The following SHANK2 variants were observed in gnomAD, a reference collection of about 807,000 sequenced individuals.
SHANK2 encodes the protein SH3 and multiple ankyrin repeat domains protein 2.
Under a neutral mutation model 133.7 loss-of-function variants are expected in SHANK2, and 43 were observed. That is an observed-to-expected ratio of 0.32 (90% CI 0.25 to 0.41). The LOEUF is 0.41. SHANK2 is among the 10% of genes least tolerant of loss of function. The probability of loss-of-function intolerance (pLI) is 1.00; values close to 1 mark genes in which losing one functional copy is unlikely to be tolerated. For missense variants in SHANK2, 1,994 were observed against 2,235.8 expected (o/e 0.89, Z 2.18); for synonymous variants, 1,017 against 952.8 (o/e 1.07, Z -1.24).
chr11:71,092,426 T>C lies in SHANK2; in HGVS notation c.908A>G (p.His303Arg). The change falls in exon 8 of 26, where the codon CAC becomes CGC. Residue 303 changes from histidine (H) to arginine (R), a missense_variant. Physicochemically the swap from His to Arg is conservative, Grantham distance 29. Around this residue, in one of 5 missense-constraint regions of SHANK2, gnomAD observed 653 missense variants for 563.4 expected, o/e 1.16. Coordinates refer to ENST00000601538, the MANE Select transcript of SHANK2 (RefSeq NM_012309.5). ...CKDENGWHEI[H>R]QACRYGHVQH... is the part of the protein sequence containing the mutation. ...TGGAGAAGCGGGCCCACGTACCTGGTGGATCTCGTGCCAGCCGTTCTCATC... is the reference window on the plus strand; with the variant it reads ...TGGAGAAGCGGGCCCACGTACCTGGCGGATCTCGTGCCAGCCGTTCTCATC... 6.4e-7 allele frequency: 1 copy of C among 1,551,296 alleles called. No homozygotes were observed. Among genetic ancestry groups the C allele is most frequent in the Non-Finnish European group, 8.7e-7 (1 of 1,146,866 alleles).
rs1262727291 is a variant in SHANK2, at chr11:70,599,893, G to GAA, written c.2061+59933_2061+59934dup. 4.1e-3 allele frequency among the ~76,000 whole-genome samples: 377 copies of GAA among 92,550 alleles called. 35 individuals are homozygous for GAA. In the East Asian group the frequency reaches 0.061, roughly 15 times the overall value. The allele number at this position is 92,550 out of a possible 152,430, so 60.7% of individuals were successfully genotyped here. On this transcript the variant is annotated intron_variant, in intron 17 of 25. Transcript: ENST00000601538. ...AAAGAAAGAAAGAAAGAAAGAAAAA[G>GAA]AAAGAAAGAAAGAGAAAGAAAGAAA... is the stretch of plus-strand genomic sequence containing the variant.
chr11:70,540,853 A>AAAC (rs1554975053), intron 17 of SHANK2, among the ~76,000 whole-genome samples: 16 of 151,566 alleles, frequency 1.1e-4, no homozygotes, highest in African/African-American at 3.6e-4. Context: ...AAAAAAAAAA[A>AAAC]AAAAAAAACT....
At chr11:71,201,428 T>A (rs1274902712) in intron 2 of SHANK2, among the ~76,000 whole-genome samples, 1 of 152,064 alleles carries the variant, frequency 6.6e-6, no homozygotes, top group Non-Finnish European at 1.5e-5. Context: ...CCACAAAGGG[T>A]GATCACCACG....
At chr11:71,139,437 G>C (rs539426910) in intron 3 of SHANK2, among the ~76,000 whole-genome samples, 1 of 152,166 alleles carries the variant, frequency 6.6e-6, no homozygotes, top group South Asian at 2.1e-4. Context: ...CAGCAACATG[G>C]CACATGTATA....
At chr11:70,501,983 A>T in intron 19 of SHANK2, 52 bp from the exon 20 acceptor site, 1 of 1,545,544 alleles carries the variant, frequency 6.5e-7, no homozygotes, top group Admixed American at 2.0e-5. Context: ...TAAACAGAAA[A>T]GAGGAAAGGC....
intron 17 of SHANK2, among the ~76,000 whole-genome samples, chr11:70,539,261 G>A (rs990902517): frequency 2.6e-5 from 4 of 152,174 alleles, no homozygotes; most frequent in South Asian, 4.1e-4. Flanking sequence ...TGCCACACGC[G>A]GGCCTGGCAT....
intron 6 of SHANK2, among the ~76,000 whole-genome samples, chr11:71,095,852 A>T (rs1353259751): frequency 1.3e-5 from 2 of 152,164 alleles, no homozygotes; most frequent in East Asian, 3.8e-4. Context: ...TGCTGTGTGT[A>T]GACATGCCAG....
intron 14 of SHANK2, among the ~76,000 whole-genome samples, chr11:70,744,553 T>C (rs1946599152): frequency 1.3e-5 from 2 of 152,176 alleles, no homozygotes; most frequent in African/African-American, 4.8e-5. Context: ...TCCTTGCTCC[T>C]TTCCAAGTCC....
chr11:70,860,805 A>G (rs1555067666), intron 11 of SHANK2, among the ~76,000 whole-genome samples: 1 of 152,214 alleles, frequency 6.6e-6, no homozygotes, highest in Admixed American at 6.5e-5. Context: ...ACTTGGGCCC[A>G]GGACCAGGTG....
intron 1 of SHANK2, among the ~76,000 whole-genome samples, chr11:71,227,020 A>G (rs115911358): frequency 2.6e-5 from 4 of 152,256 alleles, no homozygotes; most frequent in African/African-American, 9.6e-5. Flanking sequence ...TCAAACTGGT[A>G]TTACAATAGA....
intron 14 of SHANK2, among the ~76,000 whole-genome samples, chr11:70,752,894 AC>A (rs1946785911): frequency 6.6e-6 from 1 of 152,088 alleles, no homozygotes; most frequent in South Asian, 2.1e-4. Context: ...CAGGCAGATC[AC>A]GTGAGGTCAG....
At chr11:70,526,397 G>T (rs2135951738) in intron 17 of SHANK2, among the ~76,000 whole-genome samples, 1 of 152,318 alleles carries the variant, frequency 6.6e-6, no homozygotes, top group East Asian at 1.9e-4. Flanking sequence ...GGTCACAGAG[G>T]CTGCACTGAG....
intron 2 of SHANK2, among the ~76,000 whole-genome samples, chr11:71,213,816 T>C (rs185738110): frequency 2.1e-4 from 32 of 152,332 alleles, no homozygotes; most frequent in African/African-American, 7.7e-4. Flanking sequence ...TTCTATTTTC[T>C]GTCTTAGGAC....
At chr11:70,876,241 T>TATATACACAC (rs1461810961) in intron 11 of SHANK2, among the ~76,000 whole-genome samples, 9 of 14,862 alleles carry the variant, frequency 6.1e-4, no homozygotes, top group Non-Finnish European at 2.7e-3. Context: ...CACACACATA[T>TATATACACAC]AGACACACAC....
intron 14 of SHANK2, among the ~76,000 whole-genome samples, chr11:70,716,899 C>T (rs1344370159): frequency 6.8e-6 from 1 of 146,436 alleles, no homozygotes; most frequent in African/African-American, 2.5e-5. Context: ...CCCGGAGCCC[C>T]CCCCCCGCCC....
intron 14 of SHANK2, among the ~76,000 whole-genome samples, chr11:70,709,834 G>A (rs1425777450): frequency 6.9e-4 from 105 of 152,096 alleles, no homozygotes; most frequent in Non-Finnish European, 5.9e-5. Flanking sequence ...GGGGAGAGAG[G>A]AGAGAAGAGG....
At chr11:70,635,155 A>G (rs1255982484) in intron 17 of SHANK2, 1 of 152,218 alleles carries the variant, frequency 6.6e-6, no homozygotes. Flanking sequence ...TGCTCCTCAA[A>G]ACCTTAAACA....
At chr11:70,529,810 G>T (rs1364063567) in intron 17 of SHANK2, among the ~76,000 whole-genome samples, 1 of 152,114 alleles carries the variant, frequency 6.6e-6, no homozygotes, top group African/African-American at 2.4e-5. Context: ...CATGCCTGGC[G>T]TCTTTCACCT....
chr11:71,192,856 T>A (rs533447816), intron 2 of SHANK2, among the ~76,000 whole-genome samples: 1 of 152,350 alleles, frequency 6.6e-6, no homozygotes, highest in South Asian at 2.1e-4. Flanking sequence ...CAATCATGCC[T>A]GCTTAATTGC....
Sources: allele counts gnomAD v4.1 joint callset (sites outside exome capture counted in the v4.1 genomes callset), GRCh38; gene constraint gnomAD v4.1.1; regional missense constraint gnomAD v4.1.1; transcripts MANE v1.5; gene names NCBI Gene and HGNC (gene_info 2026-07-23, HGNC 2026-07-21).